The following THRB variants were observed in gnomAD, a reference collection of about 807,000 sequenced individuals.
The protein encoded by THRB is nuclear receptor subfamily 1 group A member 2.
Under a neutral mutation model 47.8 loss-of-function variants are expected in THRB, and 12 were observed. That is an observed-to-expected ratio of 0.25 (90% CI 0.16 to 0.41). THRB has a LOEUF of 0.41. Ranked by LOEUF, THRB falls within the 10% of genes least tolerant of loss-of-function variation. The probability of loss-of-function intolerance (pLI) is 1.00; values close to 1 mark genes in which losing one functional copy is unlikely to be tolerated. For synonymous variants in THRB, 218 were observed against 212.2 expected, an observed-to-expected ratio of 1.03 and a Z score of -0.24; for missense variants, 348 against 589.2, an observed-to-expected ratio of 0.59 and a Z score of 4.24.
intron 3 of THRB, among the ~76,000 whole-genome samples, chr3:24,269,715 C>T (rs2053127150): frequency 6.6e-6 from 1 of 151,756 alleles, no homozygotes; most frequent in South Asian, 2.1e-4. Context: ...GGATTACAGG[C>T]ATAAGCCACA....
chr3:24,391,003 G>A (rs551288450), intron 1 of THRB, among the ~76,000 whole-genome samples: 88 of 152,090 alleles, frequency 5.8e-4, no homozygotes, highest in Middle Eastern at 3.4e-3. Flanking sequence ...AATCTTTTCA[G>A]GGTCCATTTC....
At chr3:24,421,473 C>T (rs1236426629) in intron 1 of THRB, among the ~76,000 whole-genome samples, 2 of 151,748 alleles carry the variant, frequency 1.3e-5, no homozygotes, top group African/African-American at 2.4e-5. Flanking sequence ...TAACCCAGGG[C>T]CCTAGCACTG....
At chr3:24,147,746 G>A (rs897982048) in intron 6 of THRB, among the ~76,000 whole-genome samples, 3 of 152,194 alleles carry the variant, frequency 2.0e-5, no homozygotes, top group Admixed American at 1.3e-4. Flanking sequence ...GCTAAGTGCT[G>A]TAGAAACATT....
chr3:24,302,333 T>C (rs1482916078), intron 2 of THRB, among the ~76,000 whole-genome samples: 1 of 152,220 alleles, frequency 6.6e-6, no homozygotes, highest in Admixed American at 6.5e-5. Context: ...TCTTGTTTTG[T>C]TTTTTAAATA....
intron 1 of THRB, among the ~76,000 whole-genome samples, chr3:24,423,360 T>C (rs985061206): frequency 1.3e-5 from 2 of 151,694 alleles, no homozygotes; most frequent in Admixed American, 6.6e-5. Context: ...AAAGGGAGAA[T>C]TGGTGAGAAA....
chr3:24,265,656 G>A (rs2052577098), intron 3 of THRB, among the ~76,000 whole-genome samples: 1 of 151,994 alleles, frequency 6.6e-6, no homozygotes. Flanking sequence ...ATATTTTAAA[G>A]GAAATACATC....
intron 1 of THRB, among the ~76,000 whole-genome samples, chr3:24,424,410 T>C (rs2069560459): frequency 6.6e-6 from 1 of 152,000 alleles, no homozygotes; most frequent in Admixed American, 6.6e-5. Context: ...TAAGTTTCTA[T>C]GGCAGTGGTT....
At chr3:24,455,672 C>T (rs752825504) in intron 1 of THRB, among the ~76,000 whole-genome samples, 22 of 152,156 alleles carry the variant, frequency 1.4e-4, no homozygotes, top group Non-Finnish European at 2.5e-4. Context: ...TCCAACTTTC[C>T]TCTATTTCAG....
At chr3:24,347,396 AC>A (rs897015344) in intron 1 of THRB, among the ~76,000 whole-genome samples, 5 of 152,106 alleles carry the variant, frequency 3.3e-5, no homozygotes, top group East Asian at 3.9e-4. Context: ...GGAGAAAATA[AC>A]AAAGGTCAGA....
At chr3:24,369,238 A>C (rs2064726764) in intron 1 of THRB, among the ~76,000 whole-genome samples, 2 of 152,140 alleles carry the variant, frequency 1.3e-5, no homozygotes, top group African/African-American at 4.8e-5. Flanking sequence ...GGGGAAACTA[A>C]CATCATATCT....
intron 1 of THRB, among the ~76,000 whole-genome samples, chr3:24,447,490 C>A (rs567290035): frequency 6.6e-6 from 1 of 152,246 alleles, no homozygotes; most frequent in African/African-American, 2.4e-5. Flanking sequence ...TTTGTTTCAT[C>A]GTGTCCTGTT....
intron 4 of THRB, among the ~76,000 whole-genome samples, chr3:24,220,383 C>T (rs898429026): frequency 1.1e-4 from 16 of 151,934 alleles, no homozygotes; most frequent in African/African-American, 3.4e-4. Context: ...CCCAGCTACT[C>T]GGGAGGCTGA....
chr3:24,198,423 T>C (rs1202696327), intron 4 of THRB, among the ~76,000 whole-genome samples: 1 of 134,330 alleles, frequency 7.4e-6, no homozygotes, highest in Non-Finnish European at 1.6e-5. Context: ...TGTGCAGAAA[T>C]ACAGTAAGTG....
In THRB at chr3:24,120,566, C is replaced by A. The variant is rs1234137492; in HGVS notation, c.*2318G>T. The stretch of plus-strand genomic sequence containing the variant: ...CTGCCTGCTTGCCTTCCTCTCATTC[C>A]CTTTGGAAAGAAAGCTTGCCCCAGA... On this transcript the variant is annotated 3_prime_UTR_variant, in exon 11 of 11. Coordinates refer to ENST00000646209, the MANE Select transcript of THRB (RefSeq NM_001354712.2). The A allele has an allele frequency of 1.3e-5, 2 of 152,272 alleles. No homozygotes were observed. The highest frequency in any genetic ancestry group is 4.8e-5 in the African/African-American group (2 of 41,468). The allele number at this position is 152,272 out of a possible 1,614,324, so 9.4% of individuals were successfully genotyped here.
chr3:24,310,672 G>A (rs1180371255), intron 2 of THRB, among the ~76,000 whole-genome samples: 1 of 152,114 alleles, frequency 6.6e-6, no homozygotes, highest in Non-Finnish European at 1.5e-5. Flanking sequence ...TCAACTAGGG[G>A]AAATTTCATC....
At chr3:24,146,409 T>G (rs1186681581) in intron 7 of THRB, among the ~76,000 whole-genome samples, 1 of 152,188 alleles carries the variant, frequency 6.6e-6, no homozygotes, top group Non-Finnish European at 1.5e-5. Flanking sequence ...TAGGGATAAT[T>G]TAACTGCATT....
intron 1 of THRB, among the ~76,000 whole-genome samples, chr3:24,365,888 C>A (rs2064421750): frequency 6.6e-6 from 1 of 152,136 alleles, no homozygotes; most frequent in South Asian, 2.1e-4. Flanking sequence ...TAATTTCAAT[C>A]TATTGTCAAA....
intron 3 of THRB, among the ~76,000 whole-genome samples, chr3:24,276,387 C>T (rs1325945137): frequency 6.6e-6 from 1 of 152,200 alleles, no homozygotes; most frequent in African/African-American, 2.4e-5. Flanking sequence ...TTCAATAGTG[C>T]AGTGATTATT....
At position 24,493,480 on chromosome 3, in the gene THRB, A is replaced by C. The variant is rs373106282; in HGVS notation, c.-261+1172T>G. On this transcript the variant is annotated intron_variant, in intron 1 of 10. Coordinates refer to ENST00000646209, the MANE Select transcript of THRB (RefSeq NM_001354712.2). ...TTAATACACTGTGCAAGGAATGCTT[A>C]ATTTCTTGAACTTCCACACAGGTCT... Among the ~76,000 whole-genome samples, 4 of 152,232 alleles carry C rather than the reference A, an allele frequency of 2.6e-5. No individual in the cohort carries two copies. The South Asian group carries it at 6.2e-4, about 24-fold the overall frequency.
Sources: allele counts gnomAD v4.1 joint callset (sites outside exome capture counted in the v4.1 genomes callset), GRCh38; gene constraint gnomAD v4.1.1; transcripts MANE v1.5; gene names NCBI Gene and HGNC (gene_info 2026-07-23, HGNC 2026-07-21).